ATP4A: variants seen among roughly 807,000 people sequenced by gnomAD.
The protein encoded by ATP4A is ATPase H+/K+ transporting subunit alpha, also known as potassium-transporting ATPase alpha chain 1.
A neutral mutation model predicts 112.1 loss-of-function variants in ATP4A; 73 were observed. The ratio of observed to expected loss-of-function variants is 0.65; its 90% CI spans 0.54 to 0.79. The LOEUF (loss-of-function observed/expected upper bound fraction) is 0.79, where lower values mean the gene tolerates loss of function less well. ATP4A is among the 30% of genes least tolerant of loss of function. The probability of loss-of-function intolerance (pLI) is 0.00; values close to 1 mark genes in which losing one functional copy is unlikely to be tolerated. For synonymous variants in ATP4A, 588 were observed against 588.9 expected, an observed-to-expected ratio of 1.00 and a Z score of 0.02; for missense variants, 1,081 against 1,425.9, an observed-to-expected ratio of 0.76 and a Z score of 3.90.
chr19:35,551,357 G>T lies in ATP4A; in HGVS notation c.2885+90C>A. On this transcript the variant is annotated intron_variant, in intron 19 of 21. Coordinates refer to ENST00000262623, the MANE Select transcript of ATP4A (RefSeq NM_000704.3). This position sits in a 1 kb window ranked among gnomAD's most constrained non-coding sequence, Gnocchi z 5.2. Reference sequence around the variant, plus strand: ...CACCATCTGGCACTGGCACCCGCTGGCATTTGCCGGCTGTTCTAAACCACA... The same window carrying T: ...CACCATCTGGCACTGGCACCCGCTGTCATTTGCCGGCTGTTCTAAACCACA... The T allele has an allele frequency of 1.3e-6, 2 of 1,591,254 alleles. No individual in the cohort carries two copies. Among genetic ancestry groups the T allele is most frequent in the African/African-American group, 1.3e-5 (1 of 74,686 alleles).
rs1357070449 is a variant in ATP4A, at chr19:35,558,120, T to A, written c.1500+242A>T. 1.6e-6 allele frequency: 1 copy of A among 632,818 alleles called. No homozygotes were observed. Among genetic ancestry groups the A allele is most frequent in the Non-Finnish European group, 2.7e-6 (1 of 373,166 alleles). 39.2% of individuals were successfully genotyped at this position (632,818 alleles called of 1,614,324 possible). A position where few individuals can be genotyped will look rare whatever the true frequency, so the allele number is the denominator to read the frequency against. On this transcript the variant is annotated intron_variant, in intron 10 of 21. Coordinates refer to ENST00000262623, the MANE Select transcript of ATP4A (RefSeq NM_000704.3). This position sits in a 1 kb window ranked among gnomAD's most constrained non-coding sequence, Gnocchi z 5.1. ...TGCGGAGTTGGGCTGGGGGCGGATT[T>A]GGAGAGCGAGGTGCTCCCCATGGAC...
At position 35,555,773 on chromosome 19, in the gene ATP4A, C is replaced by A. The variant is rs778879380; in HGVS notation, c.1909G>T (p.Ala637Ser). Residue 637 changes from alanine to serine, a missense_variant, in exon 13 of 22, where the codon GCC becomes TCC. By Grantham distance (99) the Ala-to-Ser change is moderately conservative. Transcript: ENST00000262623. This position sits in a 1 kb window ranked among gnomAD's most constrained non-coding sequence, Gnocchi z 6.6. Reference protein sequence around the residue: ...VTGDHPITAKAIAASVGIISE... With the variant: ...VTGDHPITAKSIAASVGIISE... Reference sequence around the variant, plus strand: ...ATGATGCCCACACTGGCTGCAATGGCCTTGGCGGTGATGGGGTGGTCACCC... The same window carrying A: ...ATGATGCCCACACTGGCTGCAATGGACTTGGCGGTGATGGGGTGGTCACCC... 6.2e-7 allele frequency: 1 copy of A among 1,613,714 alleles called. No homozygotes were observed. Among genetic ancestry groups the A allele is most frequent in the South Asian group, 1.1e-5 (1 of 91,078 alleles).
rs1345951256 is a variant in ATP4A, at chr19:35,560,244, G to A, written c.787+119C>T. ...GCCCTGGGGAGGTGGCAGTCACGGG[G>A]AGGTGGCAGTCATGCAGGAGAGAGA... On this transcript the variant is annotated intron_variant, in intron 6 of 21. Transcript: ENST00000262623. The surrounding 1 kb of genome is among the most constrained non-coding windows in gnomAD (Gnocchi z 5.1). 6.5e-6 allele frequency: 10 copies of A among 1,543,928 alleles called. No homozygotes were observed. Among genetic ancestry groups the A allele is most frequent in the Admixed American group, 1.8e-5 (1 of 56,030 alleles).
At position 35,560,663 on chromosome 19, in the gene ATP4A, G is replaced by T; in HGVS notation, c.535-48C>A. 2.4e-5 allele frequency: 21 copies of T among 883,930 alleles called. No homozygotes were observed. Among genetic ancestry groups the T allele is most frequent in the Non-Finnish European group, 3.2e-5 (18 of 561,698 alleles). The allele number at this position is 883,930 out of a possible 1,614,324, so 54.8% of individuals were successfully genotyped here. A position where few individuals can be genotyped will look rare whatever the true frequency, so the allele number is the denominator to read the frequency against. On this transcript the variant is annotated intron_variant, in intron 5 of 21. Transcript: ENST00000262623. The surrounding 1 kb of genome is among the most constrained non-coding windows in gnomAD (Gnocchi z 5.1). ...TTGAGGTGGACGGGGGTGGGGGTGG[G>T]AGCTGCTGCATGTGGGGAGGTAAAG... is the stretch of plus-strand genomic sequence containing the variant.
chr19:35,559,782 C>T lies in ATP4A; in HGVS notation c.1056+23G>A, dbSNP rs143682346. On this transcript the variant is annotated intron_variant, in intron 7 of 21. Coordinates refer to ENST00000262623, the MANE Select transcript of ATP4A (RefSeq NM_000704.3). The surrounding 1 kb of genome is among the most constrained non-coding windows in gnomAD (Gnocchi z 4.1). ...GTTGAGCAGGCCCCTCAGCTCCCTG[C>T]ATCCCCGCCTGCCCCCACTCACTGT... is the stretch of plus-strand genomic sequence containing the variant. The T allele has an allele frequency of 1.9e-4, 303 of 1,609,688 alleles. 1 individual carries two copies. The East Asian group carries it at 6.1e-3, about 32-fold the overall frequency.
At chr19:35,562,663 C>A (rs372547667) in intron 3 of ATP4A, 25 bp from the exon 4 acceptor site, 2 of 1,559,454 alleles carry the variant, frequency 1.3e-6, no homozygotes, top group Non-Finnish European at 1.7e-6. Flanking sequence ...CAGGGCGAGG[C>A]GGTCCTGGGG....
chr19:35,553,909 C>T (rs1279779576), intron 16 of ATP4A, 80 bp from the exon 17 acceptor site: 11 of 1,506,700 alleles, frequency 7.3e-6, no homozygotes, highest in Non-Finnish European at 8.9e-6. Flanking sequence ...CCTTCCCCCA[C>T]TTGTGAGCAG....
chr19:35,557,580 GC>G lies in ATP4A; in HGVS notation c.1693+74del. The G allele has an allele frequency of 6.7e-7, 1 of 1,484,790 alleles. No individual in the cohort carries two copies. The highest frequency in any genetic ancestry group is 9.1e-7 in the Non-Finnish European group (1 of 1,103,540). 92.0% of individuals were successfully genotyped at this position (1,484,790 alleles called of 1,614,324 possible). On this transcript the variant is annotated intron_variant, in intron 11 of 21. Transcript: ENST00000262623. This position sits in a 1 kb window ranked among gnomAD's most constrained non-coding sequence, Gnocchi z 4.4. ...CAGGGATGAGGACGGTCAGGGCTGG[GC>G]CGGGAGTGGTGGGCAGGGTCTGTGC...
At position 35,555,775 on chromosome 19, in the gene ATP4A, T is replaced by C; in HGVS notation, c.1907A>G (p.Lys636Arg). The C allele has an allele frequency of 1.2e-6, 2 of 1,613,702 alleles. No homozygotes were observed. The highest frequency in any genetic ancestry group is 1.7e-6 in the Non-Finnish European group (2 of 1,179,652). The part of the protein sequence containing the change: ...MVTGDHPITA[K>R]AIAASVGIIS... ...GATGCCCACACTGGCTGCAATGGCC[T>C]TGGCGGTGATGGGGTGGTCACCCGT... is the stretch of plus-strand genomic sequence containing the variant. Residue 636 changes from lysine to arginine, a missense_variant, in exon 13 of 22, where the codon AAG (lysine) becomes AGG (arginine). Around this residue, in one of 3 missense-constraint regions of ATP4A, gnomAD observed 850 missense variants for 1,068.2 expected, o/e 0.80. Coordinates refer to ENST00000262623, the MANE Select transcript of ATP4A (RefSeq NM_000704.3). This position sits in a 1 kb window ranked among gnomAD's most constrained non-coding sequence, Gnocchi z 6.6.
Position 35,555,121 on chromosome 19 carries a change from CT to C in ATP4A, c.2326+44del. 2 of 1,613,818 alleles carry C rather than the reference CT, an allele frequency of 1.2e-6. No homozygotes were observed. Among genetic ancestry groups the C allele is most frequent in the African/African-American group, 2.7e-5 (2 of 75,026 alleles). ...CCTCAGCCTCCTCACAGCCCTCTCCCTCCTGTGCCCACACTGCCTGCCCTCC... is the reference window on the plus strand; with the variant it reads ...CCTCAGCCTCCTCACAGCCCTCTCCCCCTGTGCCCACACTGCCTGCCCTCC... On this transcript the variant is annotated intron_variant, in intron 15 of 21. Coordinates refer to ENST00000262623, the MANE Select transcript of ATP4A (RefSeq NM_000704.3). This position sits in a 1 kb window ranked among gnomAD's most constrained non-coding sequence, Gnocchi z 6.6.
chr19:35,552,971 C>A, intron 18 of ATP4A, 66 bp downstream of exon 18: 1 of 1,515,110 alleles, frequency 6.6e-7, no homozygotes, highest in South Asian at 1.3e-5. Flanking sequence ...AAGTGGGCCG[C>A]ACACAAGGCA....
Position 35,558,384 on chromosome 19 carries a change from A to G in ATP4A, c.1478T>C (p.Phe493Ser). The change falls in exon 10 of 22, where the codon TTC (phenylalanine) becomes TCC (serine). Residue 493 changes from phenylalanine (F) to serine (S), a missense_variant. Around this residue, in one of 3 missense-constraint regions of ATP4A, gnomAD observed 850 missense variants for 1,068.2 expected, o/e 0.80. Transcript: ENST00000262623. This position sits in a 1 kb window ranked among gnomAD's most constrained non-coding sequence, Gnocchi z 5.1. Reference sequence around the variant, plus strand: ...CACCTGGAACTTGTTGGTGGAGTTGAAGGGTATCTCGCAGACTTTTGGGAA... The same window carrying G: ...CACCTGGAACTTGTTGGTGGAGTTGGAGGGTATCTCGCAGACTTTTGGGAA... ...DRFPKVCEIP[F>S]NSTNKFQLSI... The G allele has an allele frequency of 6.2e-7, 1 of 1,611,694 alleles. No homozygotes were observed. Among genetic ancestry groups the G allele is most frequent in the South Asian group, 1.1e-5 (1 of 90,548 alleles).
intron 2 of ATP4A, 56 bp from the exon 3 acceptor site, chr19:35,563,324 G>T (rs1409742584): frequency 9.3e-6 from 12 of 1,286,318 alleles, no homozygotes; most frequent in Non-Finnish European, 1.3e-5. Context: ...CCCCCTCCCC[G>T]CCCACTGCCT....
intron 18 of ATP4A, 125 bp downstream of exon 18, chr19:35,552,912 T>G (rs1599570268): frequency 5.6e-6 from 7 of 1,260,178 alleles, no homozygotes; most frequent in South Asian, 1.7e-5. Context: ...TGGCAGGGAG[T>G]CTGGGGGTCC....
chr19:35,557,644 A>T lies in ATP4A; in HGVS notation c.1693+11T>A. 6.2e-7 allele frequency: 1 copy of T among 1,601,000 alleles called. No homozygotes were observed. Among genetic ancestry groups the T allele is most frequent in the East Asian group, 2.2e-5 (1 of 44,500 alleles). On this transcript the variant is annotated intron_variant, in intron 11 of 21. Coordinates refer to ENST00000262623, the MANE Select transcript of ATP4A (RefSeq NM_000704.3). The surrounding 1 kb of genome is among the most constrained non-coding windows in gnomAD (Gnocchi z 4.4). Reference sequence around the variant, plus strand: ...GCACCTGGAGTCTCCTCCCCTGCCCAGGGGTCTCACCGAGCACGCGTTCGC... The same window carrying T: ...GCACCTGGAGTCTCCTCCCCTGCCCTGGGGTCTCACCGAGCACGCGTTCGC...
chr19:35,557,052 G>T lies in ATP4A; in HGVS notation c.1730C>A (p.Pro577Gln). The change falls in exon 12 of 22, where the codon CCG (proline) becomes CAG (glutamine). Residue 577 changes from proline to glutamine, a missense_variant. By Grantham distance (76) the Pro-to-Gln change is moderately conservative. Transcript: ENST00000262623. This position sits in a 1 kb window ranked among gnomAD's most constrained non-coding sequence, Gnocchi z 4.4. ...CTCTACGTCGAAGGCATAGCCAGGC[G>T]GGTAGTCCTTCTCATTCAGGTAGAG... Reference protein sequence around the residue: ...CQLYLNEKDYPPGYAFDVEAM... With the variant: ...CQLYLNEKDYQPGYAFDVEAM... 1 of 1,614,194 alleles carries T rather than the reference G, an allele frequency of 6.2e-7. No homozygotes were observed. The highest frequency in any genetic ancestry group is 8.5e-7 in the Non-Finnish European group (1 of 1,180,038).
In ATP4A at chr19:35,551,355, T is replaced by C. The variant is rs947846288; in HGVS notation, c.2885+92A>G. ...GTCACCATCTGGCACTGGCACCCGC[T>C]GGCATTTGCCGGCTGTTCTAAACCA... On this transcript the variant is annotated intron_variant, in intron 19 of 21. Transcript: ENST00000262623. The surrounding 1 kb of genome is among the most constrained non-coding windows in gnomAD (Gnocchi z 5.2). The C allele has an allele frequency of 2.5e-6, 4 of 1,589,990 alleles. No homozygotes were observed. The African/African-American group carries it at 5.4e-5, about 21-fold the overall frequency.
At chr19:35,554,297 G>A (rs1284122781) in intron 16 of ATP4A, among the ~76,000 whole-genome samples, 1 of 151,972 alleles carries the variant, frequency 6.6e-6, no homozygotes, top group African/African-American at 2.4e-5. Flanking sequence ...TCAAGTCACA[G>A]CCGGGCCACT....
At position 35,560,484 on chromosome 19, in the gene ATP4A, G is replaced by A. The variant is rs1231866346; in HGVS notation, c.666C>T (p.Cys222=). The change falls in exon 6 of 22, where the codon TGC becomes TGT. Residue 222 remains cysteine, a synonymous_variant. Coordinates refer to ENST00000262623, the MANE Select transcript of ATP4A (RefSeq NM_000704.3). This position sits in a 1 kb window ranked among gnomAD's most constrained non-coding sequence, Gnocchi z 5.1. ...ADIRILAAQG[C]KVDNSSLTGE... ...CTGTCAGCGAGGAGTTGTCCACCTT[G>A]CAGCCCTGGGCCGCCAGGATGCGGA... is the stretch of plus-strand genomic sequence containing the variant. The A allele has an allele frequency of 2.5e-6, 4 of 1,613,472 alleles. No homozygotes were observed. In the Admixed American group the frequency reaches 6.7e-5, roughly 27 times the overall value.
Sources: gnomAD v4.1 joint callset for allele counts (sites outside exome capture counted in the v4.1 genomes callset) on GRCh38, gnomAD v4.1.1 for gene constraint, gnomAD v4.1.1 regional missense constraint, Gnocchi (gnomAD v3.1) non-coding constraint, MANE v1.5 for transcripts, NCBI Gene and HGNC (gene_info 2026-07-23, HGNC 2026-07-21) for gene names.